ZC3H7B: variants seen among roughly 807,000 people sequenced by gnomAD.
ZC3H7B encodes zinc finger CCCH domain-containing protein 7B.
In ZC3H7B, 35 loss-of-function variants were observed where a neutral mutation model predicts 116.0. The ratio of observed to expected loss-of-function variants is 0.30; its 90% CI spans 0.23 to 0.40. ZC3H7B has a LOEUF of 0.40. Ranked by LOEUF, ZC3H7B falls within the 10% of genes least tolerant of loss-of-function variation. ZC3H7B has a pLI of 1.00. For synonymous variants in ZC3H7B, 502 were observed against 545.6 expected (o/e 0.92, Z 1.11); for missense variants, 1,011 against 1,321.5 (o/e 0.77, Z 3.64).
intron 1 of ZC3H7B, among the ~76,000 whole-genome samples, chr22:41,311,937 A>T (rs368141423): frequency 6.6e-6 from 1 of 152,296 alleles, no homozygotes; most frequent in South Asian, 2.1e-4. Context: ...TATGGAATTT[A>T]ATTAACTAAT....
intron 11 of ZC3H7B, among the ~76,000 whole-genome samples, chr22:41,342,278 C>T (rs2036532504): frequency 1.3e-5 from 2 of 152,148 alleles, no homozygotes; most frequent in Admixed American, 6.5e-5. Context: ...GAGCCAAGAC[C>T]CAGGTCACCC....
At position 41,339,995 on chromosome 22, in the gene ZC3H7B, C is replaced by G; in HGVS notation, c.996C>G (p.Ala332=). The G allele has an allele frequency of 6.2e-7, 1 of 1,611,416 alleles. No homozygotes were observed. The highest frequency in any genetic ancestry group is 8.5e-7 in the Non-Finnish European group (1 of 1,179,988). The part of the protein sequence containing the change: ...GLVMDPSKKL[A]ASVLDALDPP... ...TCATGGACCCCTCCAAGAAGCTGGC[C>G]GCCTCTGTGCTGGATGCCCTCGATC... Residue 332 remains alanine (A), a synonymous_variant, in exon 10 of 23, where the codon GCC becomes GCG. Coordinates refer to ENST00000352645, the MANE Select transcript of ZC3H7B (RefSeq NM_017590.6).
intron 1 of ZC3H7B, among the ~76,000 whole-genome samples, chr22:41,311,294 G>A (rs1315575835): frequency 6.6e-6 from 1 of 151,902 alleles, no homozygotes; most frequent in Non-Finnish European, 1.5e-5. Context: ...GCAGGGTGGG[G>A]AAATATTTAT....
In ZC3H7B at chr22:41,339,951, C is replaced by A. The variant is rs768114000; in HGVS notation, c.952C>A (p.Pro318Thr). 1.9e-6 allele frequency: 3 copies of A among 1,612,976 alleles called. No individual in the cohort carries two copies. The highest frequency in any genetic ancestry group is 1.1e-5 in the South Asian group (1 of 91,082). The change falls in exon 10 of 23, where the codon CCC (proline) becomes ACC (threonine). Residue 318 changes from proline (P) to threonine (T), a missense_variant. By Grantham distance (38) the Pro-to-Thr change is conservative (BLOSUM62 -1). This residue lies in a region of ZC3H7B where 322 missense variants were observed against 443.9 expected (regional missense o/e 0.73). Transcript: ENST00000352645. Reference sequence around the variant, plus strand: ...CATCCCTGTCTCCAGCCCACTGCCCCCCGCCTCCTTCGGCTTGGTCATGGA... The same window carrying A: ...CATCCCTGTCTCCAGCCCACTGCCCACCGCCTCCTTCGGCTTGGTCATGGA... ...GSIPVSSPLP[P>T]ASFGLVMDPS...
chr22:41,351,473 C>T lies in ZC3H7B; in HGVS notation c.1949-88C>T, dbSNP rs957647117. Reference sequence around the variant, plus strand: ...GAATAGGGCTCCTCCAGCTGGGCCTCGGGGGTCCCTGGCACCTCGTGGACC... The same window carrying T: ...GAATAGGGCTCCTCCAGCTGGGCCTTGGGGGTCCCTGGCACCTCGTGGACC... On this transcript the variant is annotated intron_variant, in intron 16 of 22. Transcript: ENST00000352645. This position sits in a 1 kb window ranked among gnomAD's most constrained non-coding sequence, Gnocchi z 5.1. 23 of 1,233,956 alleles carry T rather than the reference C, an allele frequency of 1.9e-5. No homozygotes were observed. Among genetic ancestry groups the T allele is most frequent in the South Asian group, 1.7e-4 (12 of 70,916 alleles). The allele number at this position is 1,233,956 out of a possible 1,614,324, so 76.4% of individuals were successfully genotyped here.
intron 1 of ZC3H7B, among the ~76,000 whole-genome samples, chr22:41,318,300 C>A (rs900436771): frequency 2.0e-5 from 3 of 151,858 alleles, no homozygotes; most frequent in Non-Finnish European, 4.4e-5. Context: ...GAGGCCGAGG[C>A]GGGCAGATCA....
intron 9 of ZC3H7B, 135 bp downstream of exon 9, chr22:41,339,326 G>A (rs1457013851): frequency 2.2e-5 from 24 of 1,114,060 alleles, no homozygotes; most frequent in Admixed American, 3.1e-5. Flanking sequence ...GACTTGTTTG[G>A]TACAGAAATG....
intron 9 of ZC3H7B, among the ~76,000 whole-genome samples, chr22:41,339,531 C>T (rs779149819): frequency 2.6e-4 from 40 of 151,778 alleles, no homozygotes; most frequent in Non-Finnish European, 4.7e-4. Context: ...GAGGCTGAGG[C>T]CGGAGAATCG....
intron 17 of ZC3H7B, among the ~76,000 whole-genome samples, chr22:41,352,015 T>G (rs1232454308): frequency 6.6e-6 from 1 of 152,078 alleles, no homozygotes; most frequent in Non-Finnish European, 1.5e-5. Context: ...AGACCGTGGG[T>G]CTGGGGATGT....
intron 9 of ZC3H7B, 40 bp downstream of exon 9, chr22:41,339,231 C>T: frequency 1.9e-6 from 3 of 1,558,986 alleles, no homozygotes; most frequent in Non-Finnish European, 2.6e-6. Flanking sequence ...CTGATCCCCT[C>T]TCCCCGCTGT....
At chr22:41,353,401 G>C (rs1350969474) in intron 17 of ZC3H7B, among the ~76,000 whole-genome samples, 1 of 152,216 alleles carries the variant, frequency 6.6e-6, no homozygotes, top group Admixed American at 6.5e-5. Flanking sequence ...TCAGAACCCT[G>C]GCCCTCGTAT....
chr22:41,326,751 A>G (rs1263032740), intron 4 of ZC3H7B, among the ~76,000 whole-genome samples: 2 of 152,216 alleles, frequency 1.3e-5, no homozygotes, highest in Non-Finnish European at 2.9e-5. Context: ...CACCTCTGCC[A>G]TCCAGCGAAC....
chr22:41,309,261 C>T (rs1412793497), intron 1 of ZC3H7B, among the ~76,000 whole-genome samples: 4 of 151,990 alleles, frequency 2.6e-5, no homozygotes, highest in South Asian at 2.1e-4. Flanking sequence ...CCGCCCATCT[C>T]GGCCTCCCAA....
intron 1 of ZC3H7B, among the ~76,000 whole-genome samples, chr22:41,303,834 T>C (rs1018496158): frequency 2.0e-5 from 3 of 152,194 alleles, no homozygotes; most frequent in African/African-American, 7.2e-5. Context: ...CTTGGCTCAC[T>C]GCAAGCTCCG....
chr22:41,343,287 C>T (rs1310521885), intron 12 of ZC3H7B, 128 bp from the exon 13 acceptor site: 5 of 1,225,586 alleles, frequency 4.1e-6, no homozygotes, highest in Non-Finnish European at 3.4e-6. Context: ...TGGGAGCTGG[C>T]AGGAGGCCCT....
At chr22:41,343,643 C>T (rs574606000) in intron 13 of ZC3H7B, 67 bp downstream of exon 13, 13 of 1,484,228 alleles carry the variant, frequency 8.8e-6, no homozygotes, top group Non-Finnish European at 1.2e-5. Context: ...AGCCGCTGCT[C>T]TACTCCCCAT....
chr22:41,359,101 A>T lies in ZC3H7B; in HGVS notation c.*1672A>T, dbSNP rs5751084. ...CCCCACCCCCTGGCCGCAGCAGGCC[A>T]GCACTGCAGAGTTTGGGTGCTGGTG... On this transcript the variant is annotated 3_prime_UTR_variant, in exon 23 of 23. Transcript: ENST00000352645. 1 of 152,790 alleles carries T rather than the reference A, an allele frequency of 6.5e-6. No individual in the cohort carries two copies. Among genetic ancestry groups the T allele is most frequent in the African/African-American group, 2.4e-5 (1 of 41,492 alleles). The allele number at this position is 152,790 out of a possible 1,614,324, so 9.5% of individuals were successfully genotyped here.
chr22:41,355,183 G>C (rs962207773), intron 17 of ZC3H7B, among the ~76,000 whole-genome samples: 17 of 152,208 alleles, frequency 1.1e-4, no homozygotes, highest in African/African-American at 4.1e-4. Context: ...GAGGTGTGGC[G>C]GAACGGAGCT....
At chr22:41,332,608 C>T in intron 7 of ZC3H7B, 2 of 207,118 alleles carry the variant, frequency 9.7e-6, no homozygotes, top group South Asian at 1.9e-4. Flanking sequence ...CCCTGCCTTT[C>T]TCTGTCTTTT....
Sources: gnomAD v4.1 joint callset for allele counts (sites outside exome capture counted in the v4.1 genomes callset) on GRCh38, gnomAD v4.1.1 for gene constraint, gnomAD v4.1.1 regional missense constraint, Gnocchi (gnomAD v3.1) non-coding constraint, MANE v1.5 for transcripts, NCBI Gene and HGNC (gene_info 2026-07-23, HGNC 2026-07-21) for gene names.